Variants in CDH13 observed in about 807,000 individuals in gnomAD.
The protein encoded by CDH13 is cadherin 13, also known as cadherin-13.
CDH13 carries 24 observed loss-of-function variants against 63.8 expected under a neutral mutation model. The observed-to-expected ratio is 0.38, with a 90% CI of 0.27 to 0.53. The LOEUF is 0.53. Among genes scored for constraint, CDH13 ranks in the 20% least tolerant of loss-of-function variants. The pLI is 0.85. For missense variants in CDH13, 1,049 were observed against 903.1 expected (o/e 1.16, Z -2.07); for synonymous variants, 503 against 355.3 (o/e 1.42, Z -4.67).
At chr16:83,533,322 G>A (rs763837669) in intron 7 of CDH13, among the ~76,000 whole-genome samples, 6 of 152,160 alleles carry the variant, frequency 3.9e-5, no homozygotes, top group South Asian at 2.1e-4. Context: ...ACCACTGAGC[G>A]GAAGATAAAT....
At chr16:82,704,145 TAAAG>T (rs776604905) in intron 1 of CDH13, among the ~76,000 whole-genome samples, 16 of 151,738 alleles carry the variant, frequency 1.1e-4, no homozygotes, top group African/African-American at 3.6e-4. Flanking sequence ...CACAGACAAA[TAAAG>T]AAAGAGGTGG....
chr16:83,445,440 C>G (rs894657119), intron 6 of CDH13, among the ~76,000 whole-genome samples: 2 of 152,114 alleles, frequency 1.3e-5, no homozygotes, highest in Admixed American at 1.3e-4. Flanking sequence ...TCACACTTGG[C>G]CTCAATTTCC....
At chr16:82,683,211 C>G (rs1161973776) in intron 1 of CDH13, among the ~76,000 whole-genome samples, 4 of 152,164 alleles carry the variant, frequency 2.6e-5, no homozygotes, top group Non-Finnish European at 5.9e-5. Flanking sequence ...AGCCCGGGGT[C>G]TTGTTTATTG....
At chr16:82,674,176 C>G (rs896259280) in intron 1 of CDH13, among the ~76,000 whole-genome samples, 2 of 152,150 alleles carry the variant, frequency 1.3e-5, no homozygotes. Context: ...CACCTCATTT[C>G]AATAAATCTT....
At chr16:83,584,073 T>C (rs1229663139) in intron 7 of CDH13, among the ~76,000 whole-genome samples, 1 of 152,202 alleles carries the variant, frequency 6.6e-6, no homozygotes, top group Non-Finnish European at 1.5e-5. Flanking sequence ...CTCACGCCTG[T>C]AATCCCAGCA....
chr16:83,488,973 G>T (rs2073953011), intron 7 of CDH13, among the ~76,000 whole-genome samples: 1 of 152,110 alleles, frequency 6.6e-6, no homozygotes, highest in African/African-American at 2.4e-5. Flanking sequence ...TTGGAGGCCA[G>T]TGATGACTTC....
At chr16:82,995,789 A>G (rs1176938765) in intron 2 of CDH13, among the ~76,000 whole-genome samples, 1 of 152,188 alleles carries the variant, frequency 6.6e-6, no homozygotes, top group Non-Finnish European at 1.5e-5. Flanking sequence ...ATTGGATATA[A>G]CTAGATGATA....
rs183029330 is a variant in CDH13, at chr16:83,044,524, G to A, written c.366+12306G>A. On this transcript the variant is annotated intron_variant, in intron 3 of 13. Transcript: ENST00000567109. ...GAACCTTGTGGAAACAGCACGAGGTGTCTAAATGTAAATTTCTCCCAGGCC... is the reference window on the plus strand; with the variant it reads ...GAACCTTGTGGAAACAGCACGAGGTATCTAAATGTAAATTTCTCCCAGGCC... Among the ~76,000 whole-genome samples, 352 of 152,308 alleles carry A rather than the reference G, an allele frequency of 2.3e-3. 2 individuals carry two copies. Among genetic ancestry groups the A allele is most frequent in the African/African-American group, 8.3e-3 (344 of 41,570 alleles).
intron 7 of CDH13, among the ~76,000 whole-genome samples, chr16:83,544,371 T>G (rs529451241): frequency 1.7e-4 from 26 of 152,220 alleles, no homozygotes; most frequent in Non-Finnish European, 3.7e-4. Flanking sequence ...CTCCTCAACT[T>G]ACGATGGGTT....
chr16:83,135,346 G>T (rs542375957), intron 4 of CDH13, among the ~76,000 whole-genome samples: 1 of 152,300 alleles, frequency 6.6e-6, no homozygotes, highest in South Asian at 2.1e-4. Flanking sequence ...AATGCTTAAA[G>T]CTTCCATGGG....
intron 2 of CDH13, among the ~76,000 whole-genome samples, chr16:83,015,345 G>T (rs975684090): frequency 2.0e-5 from 3 of 151,634 alleles, no homozygotes; most frequent in Admixed American, 1.3e-4. Context: ...CTGCAATTCA[G>T]TGATCAATAG....
At chr16:83,405,503 C>G (rs993915471) in intron 6 of CDH13, among the ~76,000 whole-genome samples, 1 of 152,174 alleles carries the variant, frequency 6.6e-6, no homozygotes, top group African/African-American at 2.4e-5. Context: ...GAGATGCCAG[C>G]AGCACCTAGA....
At chr16:83,185,840 G>A (rs1020760314) in intron 4 of CDH13, among the ~76,000 whole-genome samples, 1 of 152,136 alleles carries the variant, frequency 6.6e-6, no homozygotes, top group African/African-American at 2.4e-5. Context: ...ATAGATTTAT[G>A]CATTTGAAAC....
At chr16:83,417,989 A>G (rs1057017306) in intron 6 of CDH13, among the ~76,000 whole-genome samples, 1 of 151,836 alleles carries the variant, frequency 6.6e-6, no homozygotes, top group Non-Finnish European at 1.5e-5. Flanking sequence ...TTTAAAGCCC[A>G]GGGAAAATGT....
chr16:83,205,793 C>T (rs1427587210), intron 4 of CDH13, among the ~76,000 whole-genome samples: 2 of 151,856 alleles, frequency 1.3e-5, no homozygotes, highest in Non-Finnish European at 2.9e-5. Context: ...TTACTAGAGA[C>T]GGGGTTTCAT....
intron 2 of CDH13, among the ~76,000 whole-genome samples, chr16:82,871,470 A>T (rs2040338986): frequency 6.6e-6 from 1 of 152,170 alleles, no homozygotes; most frequent in South Asian, 2.1e-4. Flanking sequence ...AGCCCCAGGG[A>T]GATCCAAGGG....
At chr16:83,410,644 G>A (rs2151456139) in intron 6 of CDH13, among the ~76,000 whole-genome samples, 1 of 152,096 alleles carries the variant, frequency 6.6e-6, no homozygotes, top group Admixed American at 6.5e-5. Flanking sequence ...GTCTTTTTGG[G>A]TCATTTTAAA....
intron 5 of CDH13, among the ~76,000 whole-genome samples, chr16:83,341,061 A>G (rs910681102): frequency 2.6e-5 from 4 of 152,126 alleles, no homozygotes; most frequent in African/African-American, 9.7e-5. Flanking sequence ...TTCTCACAGT[A>G]GGTTTCTACC....
At chr16:82,881,945 G>T (rs1320231658) in intron 2 of CDH13, among the ~76,000 whole-genome samples, 2 of 152,158 alleles carry the variant, frequency 1.3e-5, no homozygotes, top group African/African-American at 4.8e-5. Context: ...TTAACCTGCA[G>T]TACTAATTCC....
Sources: allele counts gnomAD v4.1 joint callset (sites outside exome capture counted in the v4.1 genomes callset), GRCh38; gene constraint gnomAD v4.1.1; transcripts MANE v1.5; gene names NCBI Gene and HGNC (gene_info 2026-07-23, HGNC 2026-07-21).